The following XXYLT1 variants were observed in gnomAD, a reference collection of about 807,000 sequenced individuals.
XXYLT1 encodes xyloside xylosyltransferase 1.
XXYLT1 carries 20 observed loss-of-function variants against 28.9 expected under a neutral mutation model. The ratio of observed to expected loss-of-function variants is 0.69; its 90% CI spans 0.49 to 1.00. XXYLT1 has a LOEUF of 1.00. XXYLT1 is among the 50% of genes least tolerant of loss of function. The pLI, the probability that XXYLT1 is intolerant of heterozygous loss-of-function variation, is 0.00. For synonymous variants in XXYLT1, 257 were observed against 253.8 expected (o/e 1.01, Z -0.12); for missense variants, 542 against 560.1 (o/e 0.97, Z 0.33).
chr3:195,094,553 A>G (rs1560090914), intron 3 of XXYLT1: 1 of 153,930 alleles, frequency 6.5e-6, no homozygotes. Flanking sequence ...GGAAGCCAAG[A>G]TCTAAGCGCT....
At chr3:195,252,406 T>TA (rs1407085413) in intron 1 of XXYLT1, among the ~76,000 whole-genome samples, 2 of 152,234 alleles carry the variant, frequency 1.3e-5, no homozygotes, top group African/African-American at 4.8e-5. Context: ...AGATATCTGT[T>TA]ACTTTTTTTG....
intron 3 of XXYLT1, among the ~76,000 whole-genome samples, chr3:195,088,182 C>T (rs1216527824): frequency 6.6e-6 from 1 of 151,610 alleles, no homozygotes; most frequent in East Asian, 2.0e-4. Context: ...TGGAGCCCAC[C>T]ACAGCTCAAG....
At chr3:195,190,549 A>G (rs1276259344) in intron 2 of XXYLT1, among the ~76,000 whole-genome samples, 1 of 151,782 alleles carries the variant, frequency 6.6e-6, no homozygotes, top group Non-Finnish European at 1.5e-5. Flanking sequence ...CTGAAAGGAA[A>G]TGATGGCAGA....
At chr3:195,177,910 G>A (rs181698760) in intron 2 of XXYLT1, among the ~76,000 whole-genome samples, 5 of 147,998 alleles carry the variant, frequency 3.4e-5, no homozygotes, top group Non-Finnish European at 7.4e-5. Flanking sequence ...ACTCCAGCCT[G>A]AGTGACAGAG....
chr3:195,149,975 C>G (rs1187061821), intron 3 of XXYLT1, among the ~76,000 whole-genome samples: 2 of 152,114 alleles, frequency 1.3e-5, no homozygotes, highest in African/African-American at 2.4e-5. Context: ...AGAGAATTCC[C>G]AAATTCTAGG....
chr3:195,143,207 T>C (rs558298422), intron 3 of XXYLT1, among the ~76,000 whole-genome samples: 11 of 152,186 alleles, frequency 7.2e-5, no homozygotes, highest in African/African-American at 2.6e-4. Context: ...AAAGTTGGAG[T>C]GCCCCTAAAC....
chr3:195,111,188 T>C (rs1241884191), intron 3 of XXYLT1, among the ~76,000 whole-genome samples: 1 of 152,066 alleles, frequency 6.6e-6, no homozygotes, highest in African/African-American at 2.4e-5. Flanking sequence ...AAAGCCGTGA[T>C]CTGACTTCTC....
intron 3 of XXYLT1, among the ~76,000 whole-genome samples, chr3:195,114,802 G>A (rs774527006): frequency 2.6e-5 from 4 of 152,230 alleles, no homozygotes; most frequent in Non-Finnish European, 4.4e-5. Flanking sequence ...TTTGGAGCAC[G>A]CAGGAAGGTA....
At chr3:195,087,443 C>A (rs906464176) in intron 3 of XXYLT1, 3 of 152,294 alleles carry the variant, frequency 2.0e-5, no homozygotes, top group Non-Finnish European at 4.4e-5. Context: ...CCCTGTCTCT[C>A]CCCACTGCGC....
intron 3 of XXYLT1, among the ~76,000 whole-genome samples, chr3:195,120,075 T>C (rs1718269120): frequency 6.6e-6 from 1 of 152,218 alleles, no homozygotes; most frequent in African/African-American, 2.4e-5. Context: ...GCTGTCTCTT[T>C]TCTCTCTGAA....
rs1243812729 is a variant in XXYLT1 at position 195,076,210 on chromosome 3, G to A, written c.786-6099C>T. Among the ~76,000 whole-genome samples the A allele has an allele frequency of 2.0e-5, 3 of 152,188 alleles. No homozygotes were observed. Among genetic ancestry groups the A allele is most frequent in the South Asian group, 4.1e-4 (2 of 4,826 alleles). On this transcript the variant is annotated intron_variant, in intron 3 of 3. Coordinates refer to ENST00000310380, the MANE Select transcript of XXYLT1 (RefSeq NM_152531.5). This position sits in a 1 kb window ranked among gnomAD's most constrained non-coding sequence, Gnocchi z 5.3. The stretch of plus-strand genomic sequence containing the variant: ...AGAGGGCCTGGAGGAAGGTCTGGGG[G>A]CTCGGGGAAGTGAGAAAAGAGGTGA...
chr3:195,270,361 C>T, intron 1 of XXYLT1, 194 bp downstream of exon 1: 4 of 885,928 alleles, frequency 4.5e-6, no homozygotes, highest in Non-Finnish European at 5.4e-6. Flanking sequence ...TCCTCAGCAC[C>T]AGCTGAGGGC....
chr3:195,156,808 CA>C (rs1314151774), intron 2 of XXYLT1, among the ~76,000 whole-genome samples: 2 of 152,204 alleles, frequency 1.3e-5, no homozygotes, highest in East Asian at 3.8e-4. Flanking sequence ...CAACTGCAGA[CA>C]TCCATTTTGC....
intron 2 of XXYLT1, among the ~76,000 whole-genome samples, chr3:195,205,641 T>C (rs1212921563): frequency 1.3e-5 from 2 of 152,126 alleles, no homozygotes; most frequent in East Asian, 3.8e-4. Flanking sequence ...GGCGGGTGAA[T>C]TACCCAAGGT....
chr3:195,189,925 C>T (rs940321543), intron 2 of XXYLT1, among the ~76,000 whole-genome samples: 1 of 151,814 alleles, frequency 6.6e-6, no homozygotes, highest in Non-Finnish European at 1.5e-5. Context: ...CTGTGAAAGA[C>T]AAAGAGAAAG....
chr3:195,228,696 GC>G (rs200020410), intron 1 of XXYLT1, among the ~76,000 whole-genome samples: 9,361 of 151,750 alleles, frequency 0.062, 987 homozygotes, highest in African/African-American at 0.21. Context: ...CACCATGTTA[GC>G]CAGGATGGTC....
intron 2 of XXYLT1, among the ~76,000 whole-genome samples, chr3:195,161,136 T>C (rs1173309001): frequency 1.3e-5 from 2 of 152,226 alleles, no homozygotes; most frequent in African/African-American, 2.4e-5. Flanking sequence ...AGGCTTTGCA[T>C]GCTGATTCAG....
At chr3:195,080,565 G>A (rs1037142231) in intron 3 of XXYLT1, among the ~76,000 whole-genome samples, 1 of 152,012 alleles carries the variant, frequency 6.6e-6, no homozygotes, top group African/African-American at 2.4e-5. Flanking sequence ...GATGGGGGAG[G>A]GTTTGTCAGA....
In XXYLT1 at chr3:195,097,994, G is replaced by A. The variant is rs544980774; in HGVS notation, c.786-27883C>T. On this transcript the variant is annotated intron_variant, in intron 3 of 3. Coordinates refer to ENST00000310380, the MANE Select transcript of XXYLT1 (RefSeq NM_152531.5). ...AGTCCCACAGTCCCAGCAGTGGGGC[G>A]GGTCGGGAGGGGAACAGTGTGCTTC... is the stretch of plus-strand genomic sequence containing the variant. Among the ~76,000 whole-genome samples the A allele has an allele frequency of 2.6e-4, 39 of 152,250 alleles. No individual in the cohort carries two copies. In the South Asian group the frequency reaches 4.6e-3, roughly 18 times the overall value.
Sources: allele counts gnomAD v4.1 joint callset (sites outside exome capture counted in the v4.1 genomes callset), GRCh38; gene constraint gnomAD v4.1.1; non-coding constraint Gnocchi (gnomAD v3.1); transcripts MANE v1.5; gene names NCBI Gene and HGNC (gene_info 2026-07-23, HGNC 2026-07-21).